The following LRP1B variants were observed in gnomAD, a reference collection of about 807,000 sequenced individuals.
The protein encoded by LRP1B is low-density lipoprotein receptor-related protein 1B.
In LRP1B, 217 loss-of-function variants were observed where a neutral mutation model predicts 556.6. The observed-to-expected ratio is 0.39, with a 90% CI of 0.35 to 0.44. LRP1B has a LOEUF of 0.44. Among genes scored for constraint, LRP1B ranks in the 20% least tolerant of loss-of-function variants. The pLI is 1.00. For missense variants in LRP1B, 5,053 were observed against 5,620.8 expected (o/e 0.90, Z 3.23); for synonymous variants, 2,047 against 1,865.8 (o/e 1.10, Z -2.50).
intron 41 of LRP1B, chr2:140,683,583 T>C: frequency 2.9e-6 from 2 of 687,838 alleles, no homozygotes; most frequent in African/African-American, 1.8e-5. Flanking sequence ...ATTAAAAAGA[T>C]TGCCAGGCTG....
intron 3 of LRP1B, among the ~76,000 whole-genome samples, chr2:141,366,497 A>T (rs894009336): frequency 5.3e-5 from 8 of 152,194 alleles, no homozygotes; most frequent in Non-Finnish European, 1.2e-4. Context: ...TCTCAAAATG[A>T]TATTACCTAA....
intron 2 of LRP1B, among the ~76,000 whole-genome samples, chr2:141,636,377 C>A (rs1320337575): frequency 6.6e-6 from 1 of 152,028 alleles, no homozygotes; most frequent in African/African-American, 2.4e-5. Context: ...ATGAAAAGAA[C>A]TCAACCTTAG....
intron 2 of LRP1B, among the ~76,000 whole-genome samples, chr2:141,729,231 A>G (rs930486533): frequency 6.6e-6 from 1 of 152,120 alleles, no homozygotes; most frequent in African/African-American, 2.4e-5. Flanking sequence ...GCTTTACCAC[A>G]GGACTTCCTT....
intron 83 of LRP1B, among the ~76,000 whole-genome samples, chr2:140,309,226 C>T (rs1321223544): frequency 4.6e-5 from 7 of 151,522 alleles, no homozygotes. Flanking sequence ...TCAGCAAAGC[C>T]TGACAAAGAA....
At chr2:141,786,175 G>T (rs949227643) in intron 2 of LRP1B, among the ~76,000 whole-genome samples, 1 of 151,890 alleles carries the variant, frequency 6.6e-6, no homozygotes, top group Non-Finnish European at 1.5e-5. Context: ...AAAACAAATG[G>T]TATAAATAAG....
At chr2:141,951,891 C>T (rs767467607) in intron 1 of LRP1B, among the ~76,000 whole-genome samples, 48 of 151,866 alleles carry the variant, frequency 3.2e-4, no homozygotes, top group African/African-American at 8.4e-4. Flanking sequence ...ATGTGTACAA[C>T]GTGCATGTTT....
chr2:141,022,773 T>C (rs1698102001), intron 11 of LRP1B, among the ~76,000 whole-genome samples: 1 of 151,980 alleles, frequency 6.6e-6, no homozygotes, highest in Non-Finnish European at 1.5e-5. Flanking sequence ...GCAAGGAAGA[T>C]GTTTGATAAA....
chr2:141,111,520 C>A (rs1200531312), intron 7 of LRP1B, among the ~76,000 whole-genome samples: 2 of 152,102 alleles, frequency 1.3e-5, no homozygotes, highest in African/African-American at 4.8e-5. Flanking sequence ...GTGTTTTGTG[C>A]ACTTAAGGGA....
chr2:140,936,339 C>CA (rs59717868), intron 20 of LRP1B, among the ~76,000 whole-genome samples: 2,168 of 86,756 alleles, frequency 0.025, 46 homozygotes, highest in African/African-American at 0.041. Context: ...GACTCCGTCT[C>CA]AAAAAAAAAA....
intron 1 of LRP1B, among the ~76,000 whole-genome samples, chr2:142,049,135 C>A (rs1559042668): frequency 6.6e-6 from 1 of 151,958 alleles, no homozygotes; most frequent in East Asian, 1.9e-4. Flanking sequence ...AAAAAGGCCC[C>A]TTTTTTTCTA....
chr2:141,750,048 T>C (rs923792090), intron 2 of LRP1B, among the ~76,000 whole-genome samples: 1 of 152,120 alleles, frequency 6.6e-6, no homozygotes, highest in Non-Finnish European at 1.5e-5. Flanking sequence ...CAGTGAGTGC[T>C]CAGTGAGGGG....
chr2:141,735,769 T>G (rs1399583586), intron 2 of LRP1B, among the ~76,000 whole-genome samples: 1 of 152,090 alleles, frequency 6.6e-6, no homozygotes, highest in Non-Finnish European at 1.5e-5. Flanking sequence ...CTTCCGAACA[T>G]CCAAGAATTT....
intron 2 of LRP1B, among the ~76,000 whole-genome samples, chr2:141,627,950 T>C (rs1476412841): frequency 2.6e-5 from 4 of 152,202 alleles, no homozygotes; most frequent in Non-Finnish European, 5.9e-5. Flanking sequence ...TCAATTTTGC[T>C]GTAAACCTAA....
rs145067934 is a variant in LRP1B, at chr2:141,550,059, T to C, written c.206-69526A>G. 4.6e-3 allele frequency among the ~76,000 whole-genome samples: 703 copies of C among 152,236 alleles called. 3 individuals are homozygous for C. The highest frequency in any genetic ancestry group is 0.016 in the African/African-American group (670 of 41,552). The stretch of plus-strand genomic sequence containing the variant: ...TTAAGTTAGAACTTACACAAAACAA[T>C]CCTCATACGTATATTTTGTCATTGA... On this transcript the variant is annotated intron_variant, in intron 2 of 90. Coordinates refer to ENST00000389484, the MANE Select transcript of LRP1B (RefSeq NM_018557.3).
chr2:140,628,164 G>A (rs867975109), intron 41 of LRP1B, among the ~76,000 whole-genome samples: 59 of 152,076 alleles, frequency 3.9e-4, no homozygotes, highest in African/African-American at 1.4e-3. Context: ...GTGTCAAGAT[G>A]TGTGTGTGTG....
intron 12 of LRP1B, among the ~76,000 whole-genome samples, chr2:141,017,763 G>T (rs983658595): frequency 6.6e-6 from 1 of 151,800 alleles, no homozygotes; most frequent in South Asian, 2.1e-4. Context: ...GGGAGGCTGA[G>T]GCAAGCGAAT....
intron 76 of LRP1B, 71 bp downstream of exon 76, chr2:140,352,881 TA>T: frequency 7.0e-7 from 1 of 1,431,230 alleles, no homozygotes; most frequent in Non-Finnish European, 9.5e-7. Flanking sequence ...GAATGAAATA[TA>T]AAACATTTTT....
At chr2:140,377,566 C>T (rs886154706) in intron 68 of LRP1B, among the ~76,000 whole-genome samples, 1 of 152,026 alleles carries the variant, frequency 6.6e-6, no homozygotes, top group African/African-American at 2.4e-5. Flanking sequence ...ATATCTGAAA[C>T]ATAAGGACAT....
intron 86 of LRP1B, among the ~76,000 whole-genome samples, chr2:140,264,175 C>G (rs1682079581): frequency 6.6e-6 from 1 of 152,030 alleles, no homozygotes; most frequent in South Asian, 2.1e-4. Flanking sequence ...ACAAAGACAC[C>G]AGTCAGATTG....
Sources: allele counts gnomAD v4.1 joint callset (sites outside exome capture counted in the v4.1 genomes callset), GRCh38; gene constraint gnomAD v4.1.1; transcripts MANE v1.5; gene names NCBI Gene and HGNC (gene_info 2026-07-23, HGNC 2026-07-21).